TBC1D8: variants seen among roughly 807,000 people sequenced by gnomAD.
The protein encoded by TBC1D8 is TBC1 domain family member 8.
In TBC1D8, 65 loss-of-function variants were observed where a neutral mutation model predicts 118.8. The observed-to-expected ratio is 0.55, with a 90% confidence interval of 0.45 to 0.67. TBC1D8 has a LOEUF of 0.67. Among genes scored for constraint, TBC1D8 ranks in the 30% least tolerant of loss-of-function variants. The probability of loss-of-function intolerance (pLI) is 0.00; values close to 1 mark genes in which losing one functional copy is unlikely to be tolerated. For missense variants in TBC1D8, 1,376 were observed against 1,471.2 expected, an observed-to-expected ratio of 0.94 and a Z score of 1.06; for synonymous variants, 566 against 595.8, an observed-to-expected ratio of 0.95 and a Z score of 0.73.
intron 1 of TBC1D8, among the ~76,000 whole-genome samples, chr2:101,123,890 T>C (rs1233833546): frequency 6.6e-6 from 1 of 152,090 alleles, no homozygotes; most frequent in Non-Finnish European, 1.5e-5. Flanking sequence ...ATCAGCATAC[T>C]CACCAACCAG....
intron 5 of TBC1D8, among the ~76,000 whole-genome samples, chr2:101,045,589 A>G (rs1681647827): frequency 1.3e-5 from 2 of 152,182 alleles, no homozygotes; most frequent in African/African-American, 4.8e-5. Flanking sequence ...GAAAGCCTGG[A>G]GCCATGGCTC....
At chr2:101,104,789 G>A (rs909989628) in intron 1 of TBC1D8, among the ~76,000 whole-genome samples, 2 of 152,196 alleles carry the variant, frequency 1.3e-5, no homozygotes, top group Non-Finnish European at 2.9e-5. Context: ...GCCAAGGCGG[G>A]CAGATAACCT....
rs996416398 is a variant in TBC1D8 at position 101,018,936 on chromosome 2, A to G, written c.2827+2745T>C. 7 of 1,584,812 alleles carry G rather than the reference A, an allele frequency of 4.4e-6. No homozygotes were observed. The Admixed American group carries it at 1.1e-4, about 24-fold the overall frequency. On this transcript the variant is annotated intron_variant, in intron 17 of 19. Coordinates refer to ENST00000409318, the MANE Select transcript of TBC1D8 (RefSeq NM_001330348.2). ...ACTGTTGATGTCCTAATCTTCTGGA[A>G]TGCTCTTCGTCTGTGTGTTACCTGA...
At chr2:101,068,263 T>G (rs1268587456) in intron 2 of TBC1D8, 1 of 173,262 alleles carries the variant, frequency 5.8e-6, no homozygotes, top group Non-Finnish European at 1.2e-5. Context: ...GCATCTAAAA[T>G]GGCAAATCCT....
rs181590578 is a variant in TBC1D8 at position 101,014,646 on chromosome 2, T to C, written c.2828-3106A>G. On this transcript the variant is annotated intron_variant, in intron 17 of 19. Coordinates refer to ENST00000409318, the MANE Select transcript of TBC1D8 (RefSeq NM_001330348.2). ...CCCTATGCCGTTTGGGCCATTCCCATTATTAGTTTGGTCCTTAGAGCAGTG... is the reference window on the plus strand; with the variant it reads ...CCCTATGCCGTTTGGGCCATTCCCACTATTAGTTTGGTCCTTAGAGCAGTG... 1.8e-4 allele frequency among the ~76,000 whole-genome samples: 28 copies of C among 152,326 alleles called. No individual in the cohort carries two copies. The East Asian group carries it at 4.8e-3, about 26-fold the overall frequency.
At chr2:101,123,155 T>C (rs1334734073) in intron 1 of TBC1D8, among the ~76,000 whole-genome samples, 2 of 152,090 alleles carry the variant, frequency 1.3e-5, no homozygotes, top group Non-Finnish European at 2.9e-5. Flanking sequence ...GAAGATCACT[T>C]GAGCCTAGGA....
At chr2:101,025,982 A>G (rs968965825) in intron 15 of TBC1D8, among the ~76,000 whole-genome samples, 1 of 152,250 alleles carries the variant, frequency 6.6e-6, no homozygotes, top group Admixed American at 6.5e-5. Context: ...AGTACCAACC[A>G]ACACTGTTGG....
chr2:101,102,040 G>T (rs1235835939), intron 1 of TBC1D8, among the ~76,000 whole-genome samples: 8 of 149,946 alleles, frequency 5.3e-5, no homozygotes, highest in Non-Finnish European at 1.2e-4. Flanking sequence ...AGAAAGAGGA[G>T]GGGAGTGGAG....
chr2:101,040,096 C>A, intron 6 of TBC1D8, 82 bp downstream of exon 6: 1 of 1,501,704 alleles, frequency 6.7e-7, no homozygotes, highest in South Asian at 1.3e-5. Flanking sequence ...ACTTCCCCTC[C>A]CACACTCCAT....
chr2:101,029,154 CGAG>C (rs1680521203), intron 12 of TBC1D8, among the ~76,000 whole-genome samples: 1 of 152,110 alleles, frequency 6.6e-6, no homozygotes, highest in South Asian at 2.1e-4. Flanking sequence ...TCTGGGAGGC[CGAG>C]GAGGGTGGAT....
intron 1 of TBC1D8, among the ~76,000 whole-genome samples, chr2:101,111,242 C>G (rs1490453309): frequency 6.6e-6 from 1 of 152,146 alleles, no homozygotes; most frequent in Non-Finnish European, 1.5e-5. Flanking sequence ...CTCTTATGAT[C>G]CCCACGAATT....
chr2:101,025,319 C>T (rs1680277037), intron 15 of TBC1D8, among the ~76,000 whole-genome samples: 1 of 152,038 alleles, frequency 6.6e-6, no homozygotes, highest in African/African-American at 2.4e-5. Context: ...CTCCATCTCC[C>T]AAGTTCAAAC....
chr2:101,150,462 A>G (rs1005033296), intron 1 of TBC1D8, among the ~76,000 whole-genome samples: 4 of 152,120 alleles, frequency 2.6e-5, no homozygotes, highest in East Asian at 1.9e-4. Flanking sequence ...AAACTTTTAG[A>G]AAAAAAATGC....
At chr2:101,102,858 C>T (rs972217113) in intron 1 of TBC1D8, among the ~76,000 whole-genome samples, 12 of 150,814 alleles carry the variant, frequency 8.0e-5, no homozygotes, top group African/African-American at 2.9e-4. Context: ...GCCTGGGCAA[C>T]ATAGCAAAAA....
chr2:101,144,009 A>G (rs1679222895), intron 1 of TBC1D8, among the ~76,000 whole-genome samples: 1 of 152,212 alleles, frequency 6.6e-6, no homozygotes, highest in South Asian at 2.1e-4. Context: ...GATGATACAC[A>G]CAAAACACTT....
chr2:101,055,132 G>A (rs536376570), intron 3 of TBC1D8, among the ~76,000 whole-genome samples: 50 of 151,076 alleles, frequency 3.3e-4, no homozygotes, highest in Non-Finnish European at 6.3e-4. Context: ...GTTCACACCT[G>A]TAATCCCAGC....
intron 19 of TBC1D8, among the ~76,000 whole-genome samples, chr2:101,010,138 C>G (rs1405104670): frequency 6.6e-6 from 1 of 152,082 alleles, no homozygotes; most frequent in Non-Finnish European, 1.5e-5. Flanking sequence ...TAACTTTAAG[C>G]CTACATTTCC....
chr2:101,115,504 A>T (rs755717575), intron 1 of TBC1D8, among the ~76,000 whole-genome samples: 22 of 152,188 alleles, frequency 1.4e-4, no homozygotes, highest in Non-Finnish European at 2.8e-4. Context: ...TAATCCCAGC[A>T]CTTTGGGAGG....
chr2:101,126,988 A>T (rs1336181935), intron 1 of TBC1D8, among the ~76,000 whole-genome samples: 1 of 152,108 alleles, frequency 6.6e-6, no homozygotes, highest in Non-Finnish European at 1.5e-5. Flanking sequence ...TTGGGGGTTG[A>T]CTCCTCATAG....
Sources: allele counts gnomAD v4.1 joint callset (sites outside exome capture counted in the v4.1 genomes callset), GRCh38; gene constraint gnomAD v4.1.1; transcripts MANE v1.5; gene names NCBI Gene and HGNC (gene_info 2026-07-23, HGNC 2026-07-21).